The following RGS7 variants were observed in gnomAD, a reference collection of about 807,000 sequenced individuals.
The protein encoded by RGS7 is regulator of G protein signaling 7.
A neutral mutation model predicts 81.1 loss-of-function variants in RGS7; 27 were observed. The observed-to-expected ratio is 0.33, with a 90% CI of 0.25 to 0.46. The LOEUF is 0.46. Among genes scored for constraint, RGS7 ranks in the 20% least tolerant of loss-of-function variants. The pLI, the probability that RGS7 is intolerant of heterozygous loss-of-function variation, is 1.00. For missense variants in RGS7, 396 were observed against 607.4 expected (o/e 0.65, Z 3.66); for synonymous variants, 208 against 207.7 (o/e 1.00, Z -0.01).
intron 2 of RGS7, among the ~76,000 whole-genome samples, chr1:241,220,950 CAAGG>C (rs751386119): frequency 0.18 from 9,755 of 53,398 alleles, 627 homozygotes; most frequent in Non-Finnish European, 0.21. Context: ...AAGGAAGAAG[CAAGG>C]AAGGAAGGAA....
chr1:241,133,664 G>T (rs950039054), intron 2 of RGS7, among the ~76,000 whole-genome samples: 1 of 152,074 alleles, frequency 6.6e-6, no homozygotes, highest in Non-Finnish European at 1.5e-5. Flanking sequence ...TTCCCTTAGG[G>T]TTTCTACTGA....
At chr1:241,260,082 A>G (rs1419303571) in intron 2 of RGS7, among the ~76,000 whole-genome samples, 2 of 152,070 alleles carry the variant, frequency 1.3e-5, no homozygotes, top group Non-Finnish European at 2.9e-5. Flanking sequence ...TCCTATACCC[A>G]CCCAAATTCT....
chr1:241,232,065 A>G (rs2075692806), intron 2 of RGS7, among the ~76,000 whole-genome samples: 1 of 152,244 alleles, frequency 6.6e-6, no homozygotes, highest in Non-Finnish European at 1.5e-5. Flanking sequence ...TCCCAGCACT[A>G]TTTGTTTAGA....
chr1:241,051,722 A>G (rs1046964736), intron 3 of RGS7, among the ~76,000 whole-genome samples: 22 of 152,142 alleles, frequency 1.4e-4, no homozygotes, highest in African/African-American at 5.3e-4. Flanking sequence ...GAGAACCAAG[A>G]TGCATGCATT....
At chr1:240,777,637 T>C (rs967605158) in intron 18 of RGS7, among the ~76,000 whole-genome samples, 1 of 152,186 alleles carries the variant, frequency 6.6e-6, no homozygotes, top group Non-Finnish European at 1.5e-5. Flanking sequence ...TTATTTCTTA[T>C]AGGACTGGGA....
At chr1:241,069,161 C>A (rs1321674381) in intron 3 of RGS7, among the ~76,000 whole-genome samples, 1 of 152,148 alleles carries the variant, frequency 6.6e-6, no homozygotes, top group African/African-American at 2.4e-5. Context: ...GCAAGAATGT[C>A]CTATAGAGAT....
At chr1:241,174,850 G>A (rs747292285) in intron 2 of RGS7, among the ~76,000 whole-genome samples, 45 of 147,938 alleles carry the variant, frequency 3.0e-4, no homozygotes, top group South Asian at 6.4e-4. Context: ...GTTCAGAAGC[G>A]AAAATGTTTT....
chr1:240,792,998 G>A (rs1358248792), intron 18 of RGS7, among the ~76,000 whole-genome samples: 1 of 152,106 alleles, frequency 6.6e-6, no homozygotes, highest in Non-Finnish European at 1.5e-5. Flanking sequence ...GTCTCTGGCT[G>A]AAGCCTCATA....
chr1:241,156,584 G>T (rs1251985129), intron 2 of RGS7, among the ~76,000 whole-genome samples: 1 of 147,664 alleles, frequency 6.8e-6, no homozygotes, highest in African/African-American at 2.5e-5. Flanking sequence ...GGGGAGAGGA[G>T]GGGAGGGGAG....
chr1:241,149,116 G>C (rs886685968), intron 2 of RGS7, among the ~76,000 whole-genome samples: 4 of 152,154 alleles, frequency 2.6e-5, no homozygotes, highest in Non-Finnish European at 5.9e-5. Context: ...AAACAACCAA[G>C]TGGAAAGCAG....
intron 3 of RGS7, among the ~76,000 whole-genome samples, chr1:241,089,949 G>T (rs1377993323): frequency 7.0e-6 from 1 of 143,560 alleles, no homozygotes; most frequent in African/African-American, 2.6e-5. Flanking sequence ...AGCCGAGATC[G>T]CGCCACTGCA....
chr1:240,928,504 A>G (rs950761304), intron 6 of RGS7, among the ~76,000 whole-genome samples: 7 of 152,150 alleles, frequency 4.6e-5, no homozygotes, highest in African/African-American at 1.7e-4. Context: ...AAATGATAAA[A>G]CATGTGCTTT....
chr1:241,056,772 T>C (rs2061497207), intron 3 of RGS7, among the ~76,000 whole-genome samples: 1 of 152,346 alleles, frequency 6.6e-6, no homozygotes, highest in African/African-American at 2.4e-5. Flanking sequence ...TTTCTTTATG[T>C]GGAAAGAATA....
chr1:240,838,591 T>C (rs1695076701), intron 9 of RGS7, among the ~76,000 whole-genome samples: 2 of 152,206 alleles, frequency 1.3e-5, no homozygotes. Context: ...TAAAGTTCTT[T>C]TCTAGATTTC....
chr1:240,812,360 T>C (rs888206782), intron 13 of RGS7, among the ~76,000 whole-genome samples: 6 of 152,146 alleles, frequency 3.9e-5, no homozygotes, highest in African/African-American at 1.4e-4. Flanking sequence ...GGCACAGTAT[T>C]ATCACTTGCC....
chr1:240,825,836 C>G (rs1032299782), intron 10 of RGS7, among the ~76,000 whole-genome samples: 1 of 152,130 alleles, frequency 6.6e-6, no homozygotes, highest in African/African-American at 2.4e-5. Flanking sequence ...TAAATGATGA[C>G]TTTATTGTGT....
chr1:241,048,020 G>T (rs1375002415), intron 3 of RGS7, among the ~76,000 whole-genome samples: 1 of 152,144 alleles, frequency 6.6e-6, no homozygotes, highest in African/African-American at 2.4e-5. Flanking sequence ...GATTATAGGA[G>T]TGAGCCACTG....
chr1:241,151,450 G>T (rs1013171002), intron 2 of RGS7, among the ~76,000 whole-genome samples: 2 of 152,052 alleles, frequency 1.3e-5, no homozygotes, highest in East Asian at 3.9e-4. Flanking sequence ...TGCATGCAGC[G>T]GGTGAAGGGC....
intron 3 of RGS7, among the ~76,000 whole-genome samples, chr1:241,091,889 A>G (rs2063909519): frequency 1.3e-5 from 2 of 152,146 alleles, no homozygotes; most frequent in Admixed American, 1.3e-4. Flanking sequence ...TCTGCCTCAA[A>G]CAAACAAACC....
Sources: gnomAD v4.1 joint callset for allele counts (sites outside exome capture counted in the v4.1 genomes callset) on GRCh38, gnomAD v4.1.1 for gene constraint, MANE v1.5 for transcripts, NCBI Gene and HGNC (gene_info 2026-07-23, HGNC 2026-07-21) for gene names.